Variants in BCL11B observed in about 807,000 individuals in gnomAD.
BCL11B encodes B-cell lymphoma/leukemia 11B.
Under a neutral mutation model 49.9 loss-of-function variants are expected in BCL11B, and 8 were observed. That is an observed-to-expected ratio of 0.16 (90% CI 0.09 to 0.29). The LOEUF is 0.29. Ranked by LOEUF, BCL11B falls within the 10% of genes least tolerant of loss-of-function variation. The probability of loss-of-function intolerance (pLI) is 1.00; values close to 1 mark genes in which losing one functional copy is unlikely to be tolerated. For missense variants in BCL11B, 1,006 were observed against 1,351.0 expected, an observed-to-expected ratio of 0.74 and a Z score of 4.00; for synonymous variants, 739 against 637.4, an observed-to-expected ratio of 1.16 and a Z score of -2.40.
At position 99,242,520 on chromosome 14, in the gene BCL11B, G is replaced by C. The variant is rs1036142494; in HGVS notation, c.428-10963C>G. On this transcript the variant is annotated intron_variant, in intron 2 of 3. Transcript: ENST00000357195. This position sits in a 1 kb window ranked among gnomAD's most constrained non-coding sequence, Gnocchi z 4.4. ...CCATCGCAGACTCCAGGTATCTGCC[G>C]TTCCCCACTCCAGCCCCAGTGCCAG... 6.6e-6 allele frequency among the ~76,000 whole-genome samples: 1 copy of C among 152,116 alleles called. No homozygotes were observed. The highest frequency in any genetic ancestry group is 6.6e-5 in the Admixed American group (1 of 15,266).
At chr14:99,219,048 T>C (rs111990711) in intron 3 of BCL11B, among the ~76,000 whole-genome samples, 1 of 149,254 alleles carries the variant, frequency 6.7e-6, no homozygotes, top group Non-Finnish European at 1.5e-5. Flanking sequence ...ATTTCTTCTT[T>C]TTTTTTTTTT....
intron 3 of BCL11B, among the ~76,000 whole-genome samples, chr14:99,227,094 T>C (rs1888180804): frequency 6.6e-6 from 1 of 152,188 alleles, no homozygotes; most frequent in South Asian, 2.1e-4. Context: ...TTTGCAGCTT[T>C]TAAATATGCA....
At chr14:99,202,350 C>T (rs1010543289) in intron 3 of BCL11B, among the ~76,000 whole-genome samples, 18 of 152,158 alleles carry the variant, frequency 1.2e-4, no homozygotes, top group African/African-American at 4.3e-4. Context: ...CTGTAGGAGC[C>T]TCTAAGAGTT....
At chr14:99,187,269 C>T (rs539575445) in intron 3 of BCL11B, among the ~76,000 whole-genome samples, 18 of 152,284 alleles carry the variant, frequency 1.2e-4, no homozygotes, top group South Asian at 8.3e-4. Flanking sequence ...CGGGGCAGGA[C>T]GCACAGAGCA....
At chr14:99,240,205 G>C (rs556928467) in intron 2 of BCL11B, among the ~76,000 whole-genome samples, 1 of 152,048 alleles carries the variant, frequency 6.6e-6, no homozygotes, top group South Asian at 2.1e-4. Flanking sequence ...AAGAAAGGAA[G>C]AGAGAGAAAA....
chr14:99,241,727 C>T lies in BCL11B; in HGVS notation c.428-10170G>A, dbSNP rs1040027369. On this transcript the variant is annotated intron_variant, in intron 2 of 3. Coordinates refer to ENST00000357195, the MANE Select transcript of BCL11B (RefSeq NM_138576.4). This position sits in a 1 kb window ranked among gnomAD's most constrained non-coding sequence, Gnocchi z 4.4. Reference sequence around the variant, plus strand: ...CATTTTAATACCCTTATTCTACATCCTAATTTCTTTGAAAAAAACATCAGT... The same window carrying T: ...CATTTTAATACCCTTATTCTACATCTTAATTTCTTTGAAAAAAACATCAGT... Among the ~76,000 whole-genome samples, 6 of 152,098 alleles carry T rather than the reference C, an allele frequency of 3.9e-5. No homozygotes were observed. The highest frequency in any genetic ancestry group is 1.4e-4 in the African/African-American group (6 of 41,484).
In BCL11B at chr14:99,212,721, G is replaced by A. The variant is rs554745587; in HGVS notation, c.640+18624C>T. Among the ~76,000 whole-genome samples the A allele has an allele frequency of 3.5e-3, 528 of 152,282 alleles. 5 individuals are homozygous for A. The highest frequency in any genetic ancestry group is 0.024 in the South Asian group (115 of 4,824). ...ACCCCTCCACGCCCCACCCCCAGGA[G>A]CTGAAGCTGGAGGCAAGTGTCCACT... is the stretch of plus-strand genomic sequence containing the variant. On this transcript the variant is annotated intron_variant, in intron 3 of 3. Coordinates refer to ENST00000357195, the MANE Select transcript of BCL11B (RefSeq NM_138576.4).
intron 3 of BCL11B, among the ~76,000 whole-genome samples, chr14:99,176,580 G>A (rs1886540680): frequency 6.6e-6 from 1 of 152,190 alleles, no homozygotes; most frequent in African/African-American, 2.4e-5. Context: ...AACAGCCCTG[G>A]CAAATCCCAG....
chr14:99,203,251 C>G (rs1887438393), intron 3 of BCL11B, among the ~76,000 whole-genome samples: 1 of 152,152 alleles, frequency 6.6e-6, no homozygotes. Context: ...CAGAAGGTCT[C>G]CACAGGGCTC....
rs951989769 is a variant in BCL11B, at chr14:99,232,702, G to C, written c.428-1145C>G. Among the ~76,000 whole-genome samples the C allele has an allele frequency of 6.6e-6, 1 of 152,198 alleles. No homozygotes were observed. The highest frequency in any genetic ancestry group is 2.1e-4 in the South Asian group (1 of 4,828). On this transcript the variant is annotated intron_variant, in intron 2 of 3. Coordinates refer to ENST00000357195, the MANE Select transcript of BCL11B (RefSeq NM_138576.4). This position sits in a 1 kb window ranked among gnomAD's most constrained non-coding sequence, Gnocchi z 5.1. ...ACTTCCTAACACACTGACGGGAACT[G>C]GGGCTTAGAATACCCATTGCACAGA...
chr14:99,240,647 T>C (rs1395065917), intron 2 of BCL11B, among the ~76,000 whole-genome samples: 2 of 152,244 alleles, frequency 1.3e-5, no homozygotes, highest in Non-Finnish European at 1.5e-5. Context: ...CAAATTTTCT[T>C]CTAAGGGAGC....
intron 3 of BCL11B, among the ~76,000 whole-genome samples, chr14:99,188,785 G>A (rs906113781): frequency 7.2e-5 from 11 of 152,358 alleles, no homozygotes; most frequent in Admixed American, 6.5e-4. Flanking sequence ...TGTACCACCG[G>A]CTTGGGGCGG....
chr14:99,211,576 A>T (rs1240313413), intron 3 of BCL11B, among the ~76,000 whole-genome samples: 3 of 152,298 alleles, frequency 2.0e-5, no homozygotes, highest in Non-Finnish European at 4.4e-5. Context: ...GCATGTACAC[A>T]TGCACATGCA....
At position 99,201,506 on chromosome 14, in the gene BCL11B, G is replaced by A. The variant is rs182353149; in HGVS notation, c.641-25311C>T. On this transcript the variant is annotated intron_variant, in intron 3 of 3. Transcript: ENST00000357195. ...GGAGTAACTTGTCCAAGGTCACACA[G>A]CCAGAAGCCCCCACCTCCCATGACA... is the stretch of plus-strand genomic sequence containing the variant. Among the ~76,000 whole-genome samples, 523 of 152,262 alleles carry A rather than the reference G, an allele frequency of 3.4e-3. 3 individuals carry two copies. The highest frequency in any genetic ancestry group is 0.027 in the Middle Eastern group (8 of 294).
chr14:99,199,640 C>CTGTGTGTGTG (rs79328426), intron 3 of BCL11B, among the ~76,000 whole-genome samples: 56 of 109,564 alleles, frequency 5.1e-4, no homozygotes, highest in African/African-American at 1.1e-3. Context: ...TGGCTAAATG[C>CTGTGTGTGTG]TGTGTGTGTG....
intron 3 of BCL11B, among the ~76,000 whole-genome samples, chr14:99,226,707 C>T (rs1007618651): frequency 6.6e-6 from 1 of 152,194 alleles, no homozygotes. Flanking sequence ...TCCACGGCGC[C>T]CCATTGGACG....
intron 1 of BCL11B, 107 bp downstream of exon 1, chr14:99,271,054 C>T (rs1889661851): frequency 2.5e-6 from 3 of 1,177,170 alleles, no homozygotes; most frequent in Non-Finnish European, 3.4e-6. Context: ...AGCCAGCGGG[C>T]GGCCCCGGCG....
At chr14:99,210,845 T>A (rs114836331) in intron 3 of BCL11B, among the ~76,000 whole-genome samples, 1 of 152,264 alleles carries the variant, frequency 6.6e-6, no homozygotes, top group African/African-American at 2.4e-5. Flanking sequence ...TCCTCCTGAC[T>A]TAGCTGCACT....
chr14:99,177,939 CG>C (rs1029457199), intron 3 of BCL11B, among the ~76,000 whole-genome samples: 1 of 152,132 alleles, frequency 6.6e-6, no homozygotes, highest in African/African-American at 2.4e-5. Context: ...TCAAGTGACT[CG>C]GGGACCAAAT....
Sources: allele counts gnomAD v4.1 joint callset (sites outside exome capture counted in the v4.1 genomes callset), GRCh38; gene constraint gnomAD v4.1.1; non-coding constraint Gnocchi (gnomAD v3.1); transcripts MANE v1.5; gene names NCBI Gene and HGNC (gene_info 2026-07-23, HGNC 2026-07-21).